RSPH3: variants seen among roughly 807,000 people sequenced by gnomAD.
The protein encoded by RSPH3 is radial spoke head protein 3 homolog.
RSPH3 carries 21 observed loss-of-function variants against 43.8 expected under a neutral mutation model. The ratio of observed to expected loss-of-function variants is 0.48; its 90% CI spans 0.34 to 0.69. RSPH3 has a LOEUF of 0.69. Ranked by LOEUF, RSPH3 falls within the 30% of genes least tolerant of loss-of-function variation. The pLI is 0.01. For missense variants in RSPH3, 487 were observed against 516.0 expected (o/e 0.94, Z 0.54); for synonymous variants, 173 against 179.8 (o/e 0.96, Z 0.30).
chr6:158,999,861 G>T lies in RSPH3; in HGVS notation c.-311C>A, dbSNP rs1382220594. 6.2e-7 allele frequency: 1 copy of T among 1,613,882 alleles called. No homozygotes were observed. Among genetic ancestry groups the T allele is most frequent in the East Asian group, 2.2e-5 (1 of 44,864 alleles). On this transcript the variant is annotated 5_prime_UTR_variant, in exon 1 of 8. Coordinates refer to ENST00000367069, the MANE Select transcript of RSPH3 (RefSeq NM_031924.8). The stretch of plus-strand genomic sequence containing the variant: ...GTCCCCAGGTTTCCCGGGAAGGACT[G>T]CGGCACAAGGGACTTCCGGCTCTTG...
chr6:158,986,341 C>T lies in RSPH3; in HGVS notation c.285G>A (p.Glu95=), dbSNP rs766919591. 1.5e-5 allele frequency: 25 copies of T among 1,614,054 alleles called. No individual in the cohort carries two copies. The Admixed American group carries it at 3.8e-4, about 25-fold the overall frequency. The change falls in exon 3 of 8, where the codon GAG becomes GAA. Residue 95 remains glutamate (E), a synonymous_variant. Coordinates refer to ENST00000367069, the MANE Select transcript of RSPH3 (RefSeq NM_031924.8). The part of the protein sequence containing the change: ...KRALARKQAQ[E]QLRPQTPEPV... ...GTTCAGGTGTTTGTGGTCTGAGCTGCTCTTGGGCTTGTTTTCTGGCAAGAG... is the reference window on the plus strand; with the variant it reads ...GTTCAGGTGTTTGTGGTCTGAGCTGTTCTTGGGCTTGTTTTCTGGCAAGAG...
chr6:158,984,920 A>G lies in RSPH3; in HGVS notation c.347-1113T>C, dbSNP rs527580001. 5.3e-5 allele frequency among the ~76,000 whole-genome samples: 8 copies of G among 152,348 alleles called. No homozygotes were observed. In the East Asian group the frequency reaches 1.5e-3, roughly 29 times the overall value. On this transcript the variant is annotated intron_variant, in intron 3 of 7. Coordinates refer to ENST00000367069, the MANE Select transcript of RSPH3 (RefSeq NM_031924.8). Reference sequence around the variant, plus strand: ...CTTAGCTCTTTGGTTAATGACAGCCATACACTCATTCTAGACTTGGCCTAA... The same window carrying G: ...CTTAGCTCTTTGGTTAATGACAGCCGTACACTCATTCTAGACTTGGCCTAA...
chr6:158,963,814 A>T, the RSPH3 span, among the ~76,000 whole-genome samples: 9 of 152,004 alleles, frequency 5.9e-5, no homozygotes, highest in Non-Finnish European at 8.8e-5. Context: ...CTGGTCTCAA[A>T]CTCTTGGGCT....
At chr6:158,979,952 C>G (rs1170778559) in intron 6 of RSPH3, among the ~76,000 whole-genome samples, 2 of 152,148 alleles carry the variant, frequency 1.3e-5, no homozygotes, top group Non-Finnish European at 2.9e-5. Flanking sequence ...TCTTTTTCTC[C>G]AATACCAAAC....
In RSPH3 at chr6:158,999,804, C is replaced by G. The variant is rs369484408; in HGVS notation, c.-254G>C. 15 of 1,613,426 alleles carry G rather than the reference C, an allele frequency of 9.3e-6. No homozygotes were observed. Among genetic ancestry groups the G allele is most frequent in the Non-Finnish European group, 1.2e-5 (14 of 1,179,708 alleles). On this transcript the variant is annotated 5_prime_UTR_variant, in exon 1 of 8. Transcript: ENST00000367069. ...ATCGGTTGCCCAGCAACCCAGGGTT[C>G]TGTCTGGGGGCGGGAACTCCGGGCA...
chr6:158,963,190 CAT>C, the RSPH3 span, among the ~76,000 whole-genome samples: 29 of 152,058 alleles, frequency 1.9e-4, no homozygotes, highest in Non-Finnish European at 4.0e-4. Flanking sequence ...GAATTACAAA[CAT>C]ATACATAAAA....
chr6:158,980,057 A>G (rs1294160900), intron 6 of RSPH3, among the ~76,000 whole-genome samples: 1 of 152,238 alleles, frequency 6.6e-6, no homozygotes, highest in African/African-American at 2.4e-5. Context: ...CAGCTGAGAA[A>G]AAGTTAATAA....
At chr6:158,993,206 C>T (rs1778477727) in intron 2 of RSPH3, among the ~76,000 whole-genome samples, 1 of 152,006 alleles carries the variant, frequency 6.6e-6, no homozygotes, top group South Asian at 2.1e-4. Context: ...CAACTTCTGC[C>T]TCCTGGGTTC....
Position 158,999,851 on chromosome 6 carries a change from G to C in RSPH3, c.-301C>G. On this transcript the variant is annotated 5_prime_UTR_variant, in exon 1 of 8. Transcript: ENST00000367069. ...GGCAGTTCCGGTCCCCAGGTTTCCCGGGAAGGACTGCGGCACAAGGGACTT... is the reference window on the plus strand; with the variant it reads ...GGCAGTTCCGGTCCCCAGGTTTCCCCGGAAGGACTGCGGCACAAGGGACTT... The C allele has an allele frequency of 6.2e-7, 1 of 1,613,888 alleles. No homozygotes were observed. Among genetic ancestry groups the C allele is most frequent in the Non-Finnish European group, 8.5e-7 (1 of 1,179,968 alleles).
rs1777852503 is a variant in RSPH3 at position 158,976,741 on chromosome 6, G to C, written c.*797C>G. Reference sequence around the variant, plus strand: ...CCACTGAATTCCTTAAGCCTTACTTGAATATTGAAGATGGTCCTTGCAGGA... The same window carrying C: ...CCACTGAATTCCTTAAGCCTTACTTCAATATTGAAGATGGTCCTTGCAGGA... On this transcript the variant is annotated 3_prime_UTR_variant, in exon 8 of 8. Transcript: ENST00000367069. 1 of 152,082 alleles carries C rather than the reference G, an allele frequency of 6.6e-6. No individual in the cohort carries two copies. Among genetic ancestry groups the C allele is most frequent in the South Asian group, 2.1e-4 (1 of 4,820 alleles). 9.4% of individuals were successfully genotyped at this position (152,082 alleles called of 1,614,324 possible).
In RSPH3 at chr6:158,976,367, A is replaced by C. The variant is rs1774797958; in HGVS notation, c.*1171T>G. 1 of 152,228 alleles carries C rather than the reference A, an allele frequency of 6.6e-6. No homozygotes were observed. The highest frequency in any genetic ancestry group is 2.4e-5 in the African/African-American group (1 of 41,462). 9.4% of individuals were successfully genotyped at this position (152,228 alleles called of 1,614,324 possible). A position where few individuals can be genotyped will look rare whatever the true frequency, so the allele number is the denominator to read the frequency against. ...AAGTCAAATGTTAATTCCCTATGCTACAGCACAGTCATAATATGTAATACC... is the reference window on the plus strand; with the variant it reads ...AAGTCAAATGTTAATTCCCTATGCTCCAGCACAGTCATAATATGTAATACC... On this transcript the variant is annotated 3_prime_UTR_variant, in exon 8 of 8. Coordinates refer to ENST00000367069, the MANE Select transcript of RSPH3 (RefSeq NM_031924.8).
intron 2 of RSPH3, chr6:158,990,520 G>C (rs1366310084): frequency 6.6e-6 from 1 of 152,120 alleles, no homozygotes; most frequent in Non-Finnish European, 1.5e-5. Context: ...GAGCTTGATA[G>C]TTCTTTAAGG....
rs542923024 is a variant in RSPH3, at chr6:158,980,644, C to A, written c.859+130G>T. The A allele has an allele frequency of 2.2e-4, 155 of 714,008 alleles. No homozygotes were observed. The African/African-American group carries it at 2.5e-3, about 12-fold the overall frequency. 44.2% of individuals were successfully genotyped at this position (714,008 alleles called of 1,614,324 possible). On this transcript the variant is annotated intron_variant, in intron 6 of 7. Transcript: ENST00000367069. ...CATTAACAACTGTACTTACTTTAAA[C>A]AACTAAAATTGACTTTGTGTCAGAA...
downstream of RSPH3, among the ~76,000 whole-genome samples, chr6:158,970,213 T>C (rs528463511): frequency 1.3e-5 from 2 of 152,342 alleles, no homozygotes; most frequent in East Asian, 1.9e-4. Flanking sequence ...ATGACTTCTC[T>C]GGAAAAATTT....
chr6:158,988,620 T>C (rs1778307081), intron 2 of RSPH3, among the ~76,000 whole-genome samples: 1 of 152,174 alleles, frequency 6.6e-6, no homozygotes, highest in Non-Finnish European at 1.5e-5. Context: ...ATAGTCTGTC[T>C]TTGTCTTCAT....
At chr6:158,978,371 T>A (rs765917609) in intron 6 of RSPH3, 25 bp from the exon 7 acceptor site, 2 of 1,130,252 alleles carry the variant, frequency 1.8e-6, no homozygotes, top group Non-Finnish European at 2.7e-6. Flanking sequence ...TTCATTGATT[T>A]TCATGTATTA....
At chr6:158,982,451 G>A (rs1778063459) in intron 5 of RSPH3, 34 bp downstream of exon 5, 2 of 1,420,638 alleles carry the variant, frequency 1.4e-6, no homozygotes, top group Non-Finnish European at 1.9e-6. Flanking sequence ...CTAGCCAAAA[G>A]ACTGCCTAAG....
chr6:158,964,260 A>G, the RSPH3 span, among the ~76,000 whole-genome samples: 1 of 152,178 alleles, frequency 6.6e-6, no homozygotes, highest in Non-Finnish European at 1.5e-5. Flanking sequence ...GGAAAAACTT[A>G]TAGTATTGTC....
At position 158,977,815 on chromosome 6, in the gene RSPH3, C is replaced by T. The variant is rs1233435357; in HGVS notation, c.980G>A (p.Cys327Tyr). 3 of 1,612,990 alleles carry T rather than the reference C, an allele frequency of 1.9e-6. No individual in the cohort carries two copies. Among genetic ancestry groups the T allele is most frequent in the Non-Finnish European group, 2.5e-6 (3 of 1,179,744 alleles). The change falls in exon 8 of 8, where the codon TGT becomes TAT. Residue 327 changes from cysteine to tyrosine, a missense_variant. Cys to Tyr is a radical substitution (Grantham distance 194). Coordinates refer to ENST00000367069, the MANE Select transcript of RSPH3 (RefSeq NM_031924.8). The part of the protein sequence containing the change: ...LIREVVEKRL[C>Y]MYEHGEDTHQ... ...TGTGTCTTCCCCATGCTCATACATA[C>T]ACAGCCTCTTTTCAACCACCTCACG...
Sources: gnomAD v4.1 joint callset for allele counts (sites outside exome capture counted in the v4.1 genomes callset) on GRCh38, gnomAD v4.1.1 for gene constraint, MANE v1.5 for transcripts, NCBI Gene and HGNC (gene_info 2026-07-23, HGNC 2026-07-21) for gene names.